The following ROBO2 variants were observed in gnomAD, a reference collection of about 807,000 sequenced individuals.
The protein encoded by ROBO2 is roundabout homolog 2.
ROBO2 carries 53 observed loss-of-function variants against 160.8 expected under a neutral mutation model. That is an observed-to-expected ratio of 0.33 (90% CI 0.26 to 0.41). The LOEUF (loss-of-function observed/expected upper bound fraction) is 0.41. Among genes scored for constraint, ROBO2 ranks in the 10% least tolerant of loss-of-function variants. The pLI, the probability that ROBO2 is intolerant of heterozygous loss-of-function variation, is 1.00. For synonymous variants in ROBO2, 664 were observed against 611.7 expected (o/e 1.09, Z -1.26); for missense variants, 1,577 against 1,722.4 (o/e 0.92, Z 1.49).
At chr3:76,240,430 T>G (rs867744723) in intron 2 of ROBO2, among the ~76,000 whole-genome samples, 8 of 152,232 alleles carry the variant, frequency 5.3e-5, no homozygotes, top group Non-Finnish European at 8.8e-5. Flanking sequence ...TCCAGGCAAG[T>G]CTTCAAAAAT....
chr3:77,063,863 C>T (rs1168187362), intron 1 of ROBO2, among the ~76,000 whole-genome samples: 1 of 152,192 alleles, frequency 6.6e-6, no homozygotes, highest in African/African-American at 2.4e-5. Flanking sequence ...CTCTACTTAT[C>T]ATCTCCTGAA....
At chr3:76,861,945 A>G (rs1234429461) in intron 2 of ROBO2, among the ~76,000 whole-genome samples, 1 of 152,148 alleles carries the variant, frequency 6.6e-6, no homozygotes, top group Admixed American at 6.5e-5. Flanking sequence ...TTTATTTTAT[A>G]TATTCTCAGA....
chr3:77,181,928 ATGAT>A (rs1474946185), intron 2 of ROBO2, among the ~76,000 whole-genome samples: 2 of 152,034 alleles, frequency 1.3e-5, no homozygotes, highest in Admixed American at 1.3e-4. Flanking sequence ...TACTGGTACA[ATGAT>A]TGATTGTAGT....
At chr3:77,473,950 T>C (rs2083672349) in intron 2 of ROBO2, among the ~76,000 whole-genome samples, 1 of 152,114 alleles carries the variant, frequency 6.6e-6, no homozygotes, top group South Asian at 2.1e-4. Flanking sequence ...CTCTCAATCC[T>C]CTGTGTCTCT....
intron 2 of ROBO2, among the ~76,000 whole-genome samples, chr3:76,853,540 C>T (rs1179456): frequency 0.27 from 40,457 of 151,890 alleles, 5,791 homozygotes; most frequent in East Asian, 0.45. Context: ...CCTAAATTTA[C>T]TGCAAATTTG....
At chr3:76,414,471 A>G (rs1459154905) in intron 2 of ROBO2, among the ~76,000 whole-genome samples, 3 of 151,932 alleles carry the variant, frequency 2.0e-5, no homozygotes, top group Non-Finnish European at 4.4e-5. Flanking sequence ...TTGTAGGGAC[A>G]TGGATGAAAT....
chr3:77,504,037 A>G (rs1384019834), intron 5 of ROBO2, among the ~76,000 whole-genome samples: 1 of 152,208 alleles, frequency 6.6e-6, no homozygotes. Context: ...TACATAGTAT[A>G]ACTCACTGGC....
exon 10 of ROBO2, chr3:77,562,704 T>A (rs1206025686): frequency 4.3e-6 from 7 of 1,612,668 alleles, no homozygotes; most frequent in African/African-American, 1.3e-5. Flanking sequence ...GTGGAGAGAC[T>A]TCCTGGAGTG....
intron 2 of ROBO2, among the ~76,000 whole-genome samples, chr3:77,285,628 C>A (rs7629160): frequency 2.6e-5 from 4 of 152,148 alleles, no homozygotes; most frequent in African/African-American, 9.7e-5. Context: ...TAAACTAAAG[C>A]ATTATGACCT....
intron 2 of ROBO2, among the ~76,000 whole-genome samples, chr3:76,368,863 C>T (rs776097564): frequency 4.0e-5 from 6 of 151,872 alleles, no homozygotes; most frequent in Non-Finnish European, 5.9e-5. Flanking sequence ...GTATATTTTG[C>T]TATGAGAAAA....
intron 2 of ROBO2, among the ~76,000 whole-genome samples, chr3:76,252,256 C>A (rs1238646514): frequency 6.6e-6 from 1 of 151,924 alleles, no homozygotes; most frequent in Admixed American, 6.6e-5. Flanking sequence ...ATTGGTTTGG[C>A]CAATCTAAGC....
intron 2 of ROBO2, among the ~76,000 whole-genome samples, chr3:76,834,527 C>G (rs117281142): frequency 2.0e-5 from 3 of 151,942 alleles, no homozygotes; most frequent in Middle Eastern, 6.3e-3. Flanking sequence ...CACACACCAC[C>G]GTGCCTGGCT....
At chr3:77,116,765 C>G (rs573634441) in intron 2 of ROBO2, among the ~76,000 whole-genome samples, 1 of 152,216 alleles carries the variant, frequency 6.6e-6, no homozygotes, top group African/African-American at 2.4e-5. Context: ...CTTGGCAAGT[C>G]TTTCGCCTTA....
intron 2 of ROBO2, among the ~76,000 whole-genome samples, chr3:77,263,584 C>T (rs1560374704): frequency 1.3e-5 from 2 of 152,170 alleles, no homozygotes; most frequent in South Asian, 2.1e-4. Context: ...AGGATATAAT[C>T]GCGTTCTTTT....
chr3:76,397,299 CT>C (rs2077516526), intron 2 of ROBO2, among the ~76,000 whole-genome samples: 1 of 152,134 alleles, frequency 6.6e-6, no homozygotes, highest in African/African-American at 2.4e-5. Context: ...GGATCCCTTC[CT>C]TACACCTTAT....
chr3:76,458,619 C>T (rs913819035), intron 2 of ROBO2, among the ~76,000 whole-genome samples: 3 of 151,974 alleles, frequency 2.0e-5, no homozygotes, highest in Non-Finnish European at 4.4e-5. Flanking sequence ...ACCAATTTAC[C>T]GTATTATTCT....
At chr3:77,634,662 GTGT>G (rs2153715726) in intron 23 of ROBO2, 2 of 568,824 alleles carry the variant, frequency 3.5e-6, no homozygotes, top group East Asian at 6.2e-5. Context: ...GCCAGTGGGG[GTGT>G]TGTTAGCTTA....
chr3:77,131,308 T>C (rs936392283), intron 2 of ROBO2, among the ~76,000 whole-genome samples: 1 of 152,218 alleles, frequency 6.6e-6, no homozygotes, highest in African/African-American at 2.4e-5. Context: ...AGGCTATGTA[T>C]AGGCAGGTTC....
At chr3:76,515,430 T>C (rs891841466) in intron 2 of ROBO2, among the ~76,000 whole-genome samples, 2 of 152,118 alleles carry the variant, frequency 1.3e-5, no homozygotes, top group African/African-American at 2.4e-5. Context: ...AACTGGAATA[T>C]AGTACATCTC....
Sources: allele counts gnomAD v4.1 joint callset (sites outside exome capture counted in the v4.1 genomes callset), GRCh38; gene constraint gnomAD v4.1.1; transcripts MANE v1.5; gene names NCBI Gene and HGNC (gene_info 2026-07-23, HGNC 2026-07-21).